The following JMJD1C variants were observed in gnomAD, a reference collection of about 807,000 sequenced individuals.
The protein encoded by JMJD1C is jumonji domain-containing protein 1C.
JMJD1C carries 31 observed loss-of-function variants against 245.3 expected under a neutral mutation model. The observed-to-expected ratio is 0.13, with a 90% CI of 0.09 to 0.17. JMJD1C has a LOEUF of 0.17. JMJD1C is among the 10% of genes least tolerant of loss of function. JMJD1C has a pLI of 1.00. For synonymous variants in JMJD1C, 1,057 were observed against 1,017.4 expected (o/e 1.04, Z -0.74); for missense variants, 2,691 against 3,000.2 (o/e 0.90, Z 2.41).
At chr10:63,238,610 C>T (rs1260186423) in intron 3 of JMJD1C, among the ~76,000 whole-genome samples, 2 of 152,056 alleles carry the variant, frequency 1.3e-5, no homozygotes, top group African/African-American at 4.8e-5. Context: ...CAAATTGTTC[C>T]AGAAAGACAA....
chr10:63,360,160 G>C (rs1347145691), intron 2 of JMJD1C, among the ~76,000 whole-genome samples: 1 of 151,990 alleles, frequency 6.6e-6, no homozygotes. Context: ...AAAAATTAAA[G>C]AAAAAGATTT....
At position 63,253,743 on chromosome 10, in the gene JMJD1C, G is replaced by A. The variant is rs1441881027; in HGVS notation, c.447+10908C>T. Among the ~76,000 whole-genome samples, 6 of 152,180 alleles carry A rather than the reference G, an allele frequency of 3.9e-5. No homozygotes were observed. In the East Asian group the frequency reaches 5.8e-4, roughly 15 times the overall value. On this transcript the variant is annotated intron_variant, in intron 3 of 25. Coordinates refer to ENST00000399262, the MANE Select transcript of JMJD1C (RefSeq NM_032776.3). ...CAGGCGCGGTGGTATTTAACCAACC[G>A]TGATGTCCTAGTGGCTTAGCTAATT...
At chr10:63,461,746 T>C (rs544620321) in intron 1 of JMJD1C, among the ~76,000 whole-genome samples, 75 of 152,258 alleles carry the variant, frequency 4.9e-4, no homozygotes, top group Non-Finnish European at 8.8e-4. Flanking sequence ...ACTTACACTT[T>C]AGACAGAACT....
intron 1 of JMJD1C, among the ~76,000 whole-genome samples, chr10:63,517,735 C>T (rs962339246): frequency 6.6e-6 from 1 of 151,938 alleles, no homozygotes; most frequent in Admixed American, 6.6e-5. Flanking sequence ...CCTTTTCTCC[C>T]AGTGCCCCTA....
rs1564607852 is a variant in JMJD1C at position 63,207,791 on chromosome 10, T to G, written c.3878A>C (p.Lys1293Thr). 1.1e-5 allele frequency: 17 copies of G among 1,614,226 alleles called. No individual in the cohort carries two copies. The highest frequency in any genetic ancestry group is 2.2e-5 in the East Asian group (1 of 44,886). The change falls in exon 10 of 26, where the codon AAA (lysine) becomes ACA (threonine). Residue 1293 changes from lysine to threonine, a missense_variant. This residue lies in a region of JMJD1C where 1,562 missense variants were observed against 1,490.7 expected (regional missense o/e 1.05). Transcript: ENST00000399262. ...AGCAGCCTGTAACTTTCCGCTGCTT[T>G]TCTCCACATGCCATTCAGTTTTCTC... is the stretch of plus-strand genomic sequence containing the variant. ...SKEKTEWHVE[K>T]SSGKLQAAMA...
rs371310737 is a variant in JMJD1C, at chr10:63,186,433, T to TTTTGTTTG, written c.6571-58_6571-51dup. The stretch of plus-strand genomic sequence containing the variant: ...AGTTAAAAGATATATAGACTTTCTT[T>TTTTGTTTG]TTTGTTTGTTTGTTTGTTTGTTTGA... On this transcript the variant is annotated intron_variant, in intron 18 of 25. Transcript: ENST00000399262. 7 of 1,431,296 alleles carry TTTTGTTTG rather than the reference T, an allele frequency of 4.9e-6. No individual in the cohort carries two copies. In the East Asian group the frequency reaches 9.8e-5, roughly 20 times the overall value. The allele number at this position is 1,431,296 out of a possible 1,614,324, so 88.7% of individuals were successfully genotyped here.
chr10:63,374,948 A>G (rs558685559), intron 2 of JMJD1C, among the ~76,000 whole-genome samples: 1 of 152,262 alleles, frequency 6.6e-6, no homozygotes, highest in South Asian at 2.1e-4. Context: ...TAAGTATAAG[A>G]TTATATCATC....
At chr10:63,270,305 T>TA (rs1856130437) in intron 2 of JMJD1C, among the ~76,000 whole-genome samples, 1 of 151,964 alleles carries the variant, frequency 6.6e-6, no homozygotes, top group Admixed American at 6.6e-5. Context: ...TAGCTGGCAT[T>TA]ACAGGGACGC....
chr10:63,343,415 G>A (rs1943548248), intron 2 of JMJD1C, among the ~76,000 whole-genome samples: 1 of 151,804 alleles, frequency 6.6e-6, no homozygotes, highest in Admixed American at 6.6e-5. Context: ...CTAACACATG[G>A]ACTAATGAAG....
rs1289143557 is a variant in JMJD1C, at chr10:63,214,621, T to C, written c.1546A>G (p.Thr516Ala). The change falls in exon 8 of 26, where the codon ACT (threonine) becomes GCT (alanine). Residue 516 changes from threonine (T) to alanine (A), a missense_variant. Thr to Ala is a moderately conservative substitution (Grantham distance 58). This residue lies in a region of JMJD1C where 1,562 missense variants were observed against 1,490.7 expected (regional missense o/e 1.05). Coordinates refer to ENST00000399262, the MANE Select transcript of JMJD1C (RefSeq NM_032776.3). Reference sequence around the variant, plus strand: ...TCCTGAGCCACCTTTTCTAAATTAGTGTCATTTGTAATATCAATAACACAT... The same window carrying C: ...TCCTGAGCCACCTTTTCTAAATTAGCGTCATTTGTAATATCAATAACACAT... ...PKCVIDITND[T>A]NLEKVAQENS... 2.5e-6 allele frequency: 4 copies of C among 1,614,054 alleles called. No individual in the cohort carries two copies. Among genetic ancestry groups the C allele is most frequent in the African/African-American group, 2.7e-5 (2 of 74,954 alleles).
intron 2 of JMJD1C, among the ~76,000 whole-genome samples, chr10:63,363,709 C>G (rs1194607070): frequency 6.6e-6 from 1 of 151,884 alleles, no homozygotes; most frequent in Admixed American, 6.6e-5. Flanking sequence ...TTTTATGAGA[C>G]AGGGTCTCAC....
At chr10:63,449,459 T>G (rs1391291001) in intron 1 of JMJD1C, among the ~76,000 whole-genome samples, 1 of 152,136 alleles carries the variant, frequency 6.6e-6, no homozygotes, top group Non-Finnish European at 1.5e-5. Context: ...TACTGTAACT[T>G]TATTAAGCCT....
At chr10:63,271,637 T>G (rs984614261) in intron 2 of JMJD1C, among the ~76,000 whole-genome samples, 45 of 151,676 alleles carry the variant, frequency 3.0e-4, no homozygotes, top group African/African-American at 1.1e-3. Context: ...CTGCAACCAC[T>G]GCCTCCTGGG....
intron 1 of JMJD1C, among the ~76,000 whole-genome samples, chr10:63,519,023 G>T (rs535637479): frequency 6.6e-6 from 1 of 152,144 alleles, no homozygotes; most frequent in African/African-American, 2.4e-5. Flanking sequence ...GGGAATAAAC[G>T]CTATATGGCT....
intron 2 of JMJD1C, among the ~76,000 whole-genome samples, chr10:63,282,156 T>C (rs1347177778): frequency 6.6e-6 from 1 of 152,202 alleles, no homozygotes; most frequent in Non-Finnish European, 1.5e-5. Flanking sequence ...GCAGTATAAG[T>C]CAACAAGGCT....
chr10:63,185,604 G>A lies in JMJD1C; in HGVS notation c.6789C>T (p.Asp2263=), dbSNP rs3211105. ...SGETVVLKLK[D]WPSGEDFKTM... ...TCTTGAAGTCTTCTCCTGAAGGCCA[G>A]TCTTTCAATTTTAAAACAACTGTTT... Residue 2263 remains aspartate (D), a synonymous_variant, in exon 20 of 26, where the codon GAC becomes GAT. Coordinates refer to ENST00000399262, the MANE Select transcript of JMJD1C (RefSeq NM_032776.3). 0.77 allele frequency: 1,236,388 copies of A among 1,601,744 alleles called. 486,854 individuals carry two copies. The highest frequency in any genetic ancestry group is 0.81 in the Non-Finnish European group (948,549 of 1,169,240).
chr10:63,493,249 CTTTTTTTTTTTTTTTTT>C (rs752941477), intron 1 of JMJD1C, among the ~76,000 whole-genome samples: 4 of 49,136 alleles, frequency 8.1e-5, no homozygotes, highest in Non-Finnish European at 1.3e-4. Context: ...ACTGTTATTT[CTTTTTTTTTTTTTTTTT>C]TTTTTTTTTT....
At chr10:63,321,338 A>G (rs923468714) in intron 2 of JMJD1C, among the ~76,000 whole-genome samples, 43 of 152,254 alleles carry the variant, frequency 2.8e-4, no homozygotes, top group African/African-American at 9.6e-4. Flanking sequence ...CTGCTCAGTC[A>G]GAAGTATAGG....
intron 1 of JMJD1C, among the ~76,000 whole-genome samples, chr10:63,450,821 T>TA (rs1297052537): frequency 6.6e-6 from 1 of 151,780 alleles, no homozygotes; most frequent in Non-Finnish European, 1.5e-5. Context: ...GTCAGAAACT[T>TA]AGATAAGACA....
Sources: gnomAD v4.1 joint callset for allele counts (sites outside exome capture counted in the v4.1 genomes callset) on GRCh38, gnomAD v4.1.1 for gene constraint, gnomAD v4.1.1 regional missense constraint, MANE v1.5 for transcripts, NCBI Gene and HGNC (gene_info 2026-07-23, HGNC 2026-07-21) for gene names.